ELMO1: variants seen among roughly 807,000 people sequenced by gnomAD.
ELMO1 encodes engulfment and cell motility 1.
Under a neutral mutation model 98.9 loss-of-function variants are expected in ELMO1, and 26 were observed. That is an observed-to-expected ratio of 0.26 (90% CI 0.19 to 0.36). ELMO1 has a LOEUF of 0.36. Ranked by LOEUF, ELMO1 falls within the 10% of genes least tolerant of loss-of-function variation. The pLI, the probability that ELMO1 is intolerant of heterozygous loss-of-function variation, is 1.00. For synonymous variants in ELMO1, 346 were observed against 346.0 expected (o/e 1.00, Z 0.00); for missense variants, 627 against 935.2 (o/e 0.67, Z 4.30).
intron 15 of ELMO1, among the ~76,000 whole-genome samples, chr7:37,058,444 T>C (rs1468546135): frequency 6.6e-6 from 1 of 152,174 alleles, no homozygotes; most frequent in Admixed American, 6.5e-5. Context: ...TCTCTTCACC[T>C]AACCTGTCCC....
intron 4 of ELMO1, among the ~76,000 whole-genome samples, chr7:37,298,270 A>G (rs1199699339): frequency 7.2e-6 from 1 of 139,656 alleles, no homozygotes; most frequent in African/African-American, 2.6e-5. Context: ...GGTGGACAAG[A>G]CTAGGAAGTT....
chr7:37,302,898 A>G (rs552119885), intron 4 of ELMO1, among the ~76,000 whole-genome samples: 38 of 151,792 alleles, frequency 2.5e-4, no homozygotes, highest in African/African-American at 9.2e-4. Context: ...TGGGCAACCT[A>G]GGGCCCTAAT....
At chr7:37,188,794 G>C (rs915083015) in intron 13 of ELMO1, among the ~76,000 whole-genome samples, 9 of 152,054 alleles carry the variant, frequency 5.9e-5, no homozygotes, top group Admixed American at 1.3e-4. Flanking sequence ...ATCTTGCTGG[G>C]GTTTAGGGTA....
chr7:37,088,860 T>C (rs1783919627), intron 15 of ELMO1, among the ~76,000 whole-genome samples: 1 of 152,346 alleles, frequency 6.6e-6, no homozygotes, highest in Non-Finnish European at 1.5e-5. Flanking sequence ...AAAGTTAGGC[T>C]TTAGAACATT....
intron 1 of ELMO1, among the ~76,000 whole-genome samples, chr7:37,413,129 T>C (rs199952963): frequency 1.1e-5 from 1 of 90,050 alleles, no homozygotes; most frequent in Non-Finnish European, 2.2e-5. Context: ...CTTGACCAAA[T>C]TTTTTTTTTG....
At chr7:36,899,700 T>TTTTTTTTTTA (rs60221089) in intron 16 of ELMO1, among the ~76,000 whole-genome samples, 205 of 143,634 alleles carry the variant, frequency 1.4e-3, no homozygotes, top group African/African-American at 5.1e-3. Context: ...TTTTTTTTTT[T>TTTTTTTTTTA]ACCACTCCTA....
chr7:37,381,005 A>T (rs563421744), intron 1 of ELMO1, among the ~76,000 whole-genome samples: 1 of 152,256 alleles, frequency 6.6e-6, no homozygotes, highest in African/African-American at 2.4e-5. Flanking sequence ...AGACCACAAA[A>T]AGAGTACTTG....
intron 20 of ELMO1, among the ~76,000 whole-genome samples, chr7:36,869,771 G>C (rs904568019): frequency 2.0e-5 from 3 of 152,192 alleles, no homozygotes; most frequent in African/African-American, 7.2e-5. Flanking sequence ...TGGAATGGTT[G>C]GTAAACTAGG....
intron 21 of ELMO1, 117 bp downstream of exon 21, chr7:36,861,542 C>A: frequency 2.6e-6 from 3 of 1,163,874 alleles, no homozygotes; most frequent in Middle Eastern, 4.2e-4. Flanking sequence ...CAGCAAGATG[C>A]CCCTTGGTTC....
At chr7:37,140,302 C>T (rs897466956) in intron 13 of ELMO1, among the ~76,000 whole-genome samples, 3 of 151,630 alleles carry the variant, frequency 2.0e-5, no homozygotes, top group African/African-American at 7.3e-5. Flanking sequence ...AGGAGAATGG[C>T]GTGAACCTGG....
At chr7:37,103,339 C>A (rs1444925895) in intron 14 of ELMO1, among the ~76,000 whole-genome samples, 1 of 152,048 alleles carries the variant, frequency 6.6e-6, no homozygotes, top group Non-Finnish European at 1.5e-5. Flanking sequence ...ATATTTCTGA[C>A]TTACATGGGT....
At chr7:37,069,580 C>T (rs764830192) in intron 15 of ELMO1, among the ~76,000 whole-genome samples, 1 of 152,138 alleles carries the variant, frequency 6.6e-6, no homozygotes, top group Non-Finnish European at 1.5e-5. Flanking sequence ...CTAATAGGTG[C>T]TAAAATTTCT....
intron 1 of ELMO1, among the ~76,000 whole-genome samples, chr7:37,406,278 T>TTC (rs72196337): frequency 6.6e-6 from 1 of 151,832 alleles, no homozygotes; most frequent in East Asian, 1.9e-4. Context: ...TTTTTTTTTT[T>TTC]TCTCTCTTTG....
chr7:37,275,091 G>C (rs770059599), intron 4 of ELMO1, among the ~76,000 whole-genome samples: 4 of 152,240 alleles, frequency 2.6e-5, no homozygotes, highest in Admixed American at 6.5e-5. Flanking sequence ...CAGGTAGTCT[G>C]ACAACAAATG....
chr7:37,060,990 C>T (rs976124147), intron 15 of ELMO1, among the ~76,000 whole-genome samples: 8 of 152,162 alleles, frequency 5.3e-5, no homozygotes, highest in African/African-American at 1.9e-4. Flanking sequence ...CTGTCAATGA[C>T]TACTCTCGAT....
intron 13 of ELMO1, among the ~76,000 whole-genome samples, chr7:37,165,410 G>T (rs1362392019): frequency 4.6e-5 from 7 of 151,908 alleles, no homozygotes; most frequent in Non-Finnish European, 8.8e-5. Flanking sequence ...TCCCTGTCTT[G>T]TGCCAGTTTT....
chr7:37,145,517 G>A (rs879752926), intron 13 of ELMO1, among the ~76,000 whole-genome samples: 1 of 152,232 alleles, frequency 6.6e-6, no homozygotes, highest in Non-Finnish European at 1.5e-5. Context: ...CACCTCCGCA[G>A]GGAAGTAGCA....
intron 10 of ELMO1, among the ~76,000 whole-genome samples, chr7:37,217,120 T>C (rs922563680): frequency 6.6e-6 from 1 of 152,210 alleles, no homozygotes; most frequent in African/African-American, 2.4e-5. Context: ...CATTTCATCT[T>C]AATCTGTGCA....
intron 1 of ELMO1, among the ~76,000 whole-genome samples, chr7:37,440,017 C>T (rs989621366): frequency 1.3e-5 from 2 of 152,122 alleles, no homozygotes; most frequent in African/African-American, 4.8e-5. Flanking sequence ...CTCACACACA[C>T]ATATATGTAC....
Sources: allele counts gnomAD v4.1 joint callset (sites outside exome capture counted in the v4.1 genomes callset), GRCh38; gene constraint gnomAD v4.1.1; transcripts MANE v1.5; gene names NCBI Gene and HGNC (gene_info 2026-07-23, HGNC 2026-07-21).